SDK2: variants seen among roughly 807,000 people sequenced by gnomAD.
The protein encoded by SDK2 is protein sidekick-2.
In SDK2, 105 loss-of-function variants were observed where a neutral mutation model predicts 253.9. That is an observed-to-expected ratio of 0.41 (90% confidence interval 0.35 to 0.49). The LOEUF is 0.49. Ranked by LOEUF, SDK2 falls within the 20% of genes least tolerant of loss-of-function variation. SDK2 has a pLI of 0.06. For synonymous variants in SDK2, 1,249 were observed against 1,234.9 expected (o/e 1.01, Z -0.24); for missense variants, 2,608 against 3,003.0 (o/e 0.87, Z 3.07).
At chr17:73,596,082 C>T (rs568023341) in intron 1 of SDK2, among the ~76,000 whole-genome samples, 2 of 152,318 alleles carry the variant, frequency 1.3e-5, no homozygotes, top group South Asian at 2.1e-4. Context: ...TGCCCCAACA[C>T]GTTTGGGCTG....
At chr17:73,538,175 C>T (rs1425083230) in intron 1 of SDK2, among the ~76,000 whole-genome samples, 2 of 152,214 alleles carry the variant, frequency 1.3e-5, no homozygotes, top group African/African-American at 4.8e-5. Flanking sequence ...AGAAGCCAGA[C>T]AGACTGACCT....
chr17:73,533,487 C>A (rs2064187008), intron 1 of SDK2, among the ~76,000 whole-genome samples: 1 of 152,238 alleles, frequency 6.6e-6, no homozygotes, highest in Non-Finnish European at 1.5e-5. Context: ...CGTCCCTGGA[C>A]ACAGGCCCTG....
chr17:73,394,849 T>C (rs1471047154), intron 25 of SDK2, among the ~76,000 whole-genome samples: 1 of 152,186 alleles, frequency 6.6e-6, no homozygotes, highest in Non-Finnish European at 1.5e-5. Context: ...ACCACTGGGT[T>C]TCAGGGTTAA....
At chr17:73,508,651 C>T (rs763176544) in intron 1 of SDK2, among the ~76,000 whole-genome samples, 2 of 152,182 alleles carry the variant, frequency 1.3e-5, no homozygotes, top group Admixed American at 6.5e-5. Flanking sequence ...CATGACTAGA[C>T]AGGATTACAA....
At chr17:73,476,375 C>T (rs539602173) in intron 2 of SDK2, among the ~76,000 whole-genome samples, 6 of 152,258 alleles carry the variant, frequency 3.9e-5, no homozygotes, top group East Asian at 3.9e-4. Context: ...GAGAGATACC[C>T]GGGATGGGGA....
intron 40 of SDK2, among the ~76,000 whole-genome samples, chr17:73,356,174 T>C (rs2062590701): frequency 6.6e-6 from 1 of 152,152 alleles, no homozygotes; most frequent in South Asian, 2.1e-4. Context: ...GCACCGAACT[T>C]CCCTGCCCAA....
At position 73,395,437 on chromosome 17, in the gene SDK2, C is replaced by A. The variant is rs1470779220; in HGVS notation, c.3355-45G>T. On this transcript the variant is annotated intron_variant, in intron 24 of 44. Transcript: ENST00000392650. The surrounding 1 kb of genome is among the most constrained non-coding windows in gnomAD (Gnocchi z 4.3). Reference sequence around the variant, plus strand: ...GCAAAGCTGCTATGAGCCAGGCCCCCCACTGTGCAGGGAGGAACTGCCCTG... The same window carrying A: ...GCAAAGCTGCTATGAGCCAGGCCCCACACTGTGCAGGGAGGAACTGCCCTG... 1.3e-6 allele frequency: 2 copies of A among 1,539,504 alleles called. No homozygotes were observed. The highest frequency in any genetic ancestry group is 2.3e-5 in the South Asian group (2 of 88,776).
chr17:73,564,849 A>C (rs2045289710), intron 1 of SDK2, among the ~76,000 whole-genome samples: 1 of 151,856 alleles, frequency 6.6e-6, no homozygotes, highest in Non-Finnish European at 1.5e-5. Flanking sequence ...AACAAAAACA[A>C]ACCCAAAACA....
chr17:73,602,344 G>A (rs966300531), intron 1 of SDK2, among the ~76,000 whole-genome samples: 12 of 152,236 alleles, frequency 7.9e-5, no homozygotes, highest in Middle Eastern at 3.4e-3. Flanking sequence ...GAGCAAGGAC[G>A]GGGAGCCTCT....
At chr17:73,377,910 C>T (rs1203459272) in intron 36 of SDK2, among the ~76,000 whole-genome samples, 2 of 152,090 alleles carry the variant, frequency 1.3e-5, no homozygotes, top group Non-Finnish European at 2.9e-5. Context: ...CCGCACCCGG[C>T]CTGCCTGCTG....
At chr17:73,587,539 C>T (rs1338125274) in intron 1 of SDK2, among the ~76,000 whole-genome samples, 1 of 152,220 alleles carries the variant, frequency 6.6e-6, no homozygotes, top group Non-Finnish European at 1.5e-5. Flanking sequence ...ATCTGTGTTA[C>T]TGGGGCGTGA....
rs1206035669 is a variant in SDK2 at position 73,465,501 on chromosome 17, C to T, written c.331+6611G>A. Among the ~76,000 whole-genome samples the T allele has an allele frequency of 6.6e-6, 1 of 152,040 alleles. No homozygotes were observed. The highest frequency in any genetic ancestry group is 6.5e-5 in the Admixed American group (1 of 15,270). ...GGTCCTCTGCCACCTCCGGAAGGCT[C>T]TCCCAACCCTCTTAGCCATTCATCC... is the stretch of plus-strand genomic sequence containing the variant. On this transcript the variant is annotated intron_variant, in intron 3 of 44. Transcript: ENST00000392650. This position sits in a 1 kb window ranked among gnomAD's most constrained non-coding sequence, Gnocchi z 4.2.
At chr17:73,611,195 G>T (rs891287127) in intron 1 of SDK2, among the ~76,000 whole-genome samples, 8 of 152,170 alleles carry the variant, frequency 5.3e-5, no homozygotes, top group Non-Finnish European at 1.5e-5. Flanking sequence ...GGGGGATTTA[G>T]AATCTCACTT....
In SDK2 at chr17:73,419,276, G is replaced by C; in HGVS notation, c.2076C>G (p.Ala692=). Reference sequence around the variant, plus strand: ...CGCTGGCGATGACGTTCTGTGGAGGGGCCGTGGGGGGCTCCTCGGGGAGGG... The same window carrying C: ...CGCTGGCGATGACGTTCTGTGGAGGCGCCGTGGGGGGCTCCTCGGGGAGGG... The part of the protein sequence containing the change: ...RVSLPEEPPT[A]PPQNVIASGR... Residue 692 remains alanine (A), a synonymous_variant, in exon 16 of 45, where the codon GCC becomes GCG. Transcript: ENST00000392650. The C allele has an allele frequency of 3.7e-6, 6 of 1,612,954 alleles. No homozygotes were observed. Among genetic ancestry groups the C allele is most frequent in the Non-Finnish European group, 5.1e-6 (6 of 1,179,706 alleles).
intron 3 of SDK2, among the ~76,000 whole-genome samples, chr17:73,457,541 G>A (rs2063537498): frequency 6.6e-6 from 1 of 151,362 alleles, no homozygotes; most frequent in Admixed American, 6.6e-5. Flanking sequence ...AGTAGAGATG[G>A]GGTTTCGCCA....
Position 73,361,659 on chromosome 17 carries a change from C to T in SDK2, c.5467+25G>A, listed in dbSNP as rs1251233105. 22 of 1,599,300 alleles carry T rather than the reference C, an allele frequency of 1.4e-5. No individual in the cohort carries two copies. The highest frequency in any genetic ancestry group is 2.7e-5 in the African/African-American group (2 of 74,706). On this transcript the variant is annotated intron_variant, in intron 39 of 44. Transcript: ENST00000392650. The surrounding 1 kb of genome is among the most constrained non-coding windows in gnomAD (Gnocchi z 4.1). Reference sequence around the variant, plus strand: ...GGACGCTGAACCGCCGTGTGGAAGACATGCCTGGTCCGTTGCTCTCCTACC... The same window carrying T: ...GGACGCTGAACCGCCGTGTGGAAGATATGCCTGGTCCGTTGCTCTCCTACC...
intron 36 of SDK2, among the ~76,000 whole-genome samples, chr17:73,373,926 C>T (rs4969115): frequency 0.032 from 4,266 of 135,192 alleles, 379 homozygotes; most frequent in East Asian, 0.12. Context: ...CATGAGCCAC[C>T]GTGCCCAGCC....
At position 73,395,099 on chromosome 17, in the gene SDK2, C is replaced by G; in HGVS notation, c.3592+56G>C. 1 of 1,392,344 alleles carries G rather than the reference C, an allele frequency of 7.2e-7. No homozygotes were observed. The highest frequency in any genetic ancestry group is 9.9e-7 in the Non-Finnish European group (1 of 1,015,218). The allele number at this position is 1,392,344 out of a possible 1,614,324, so 86.2% of individuals were successfully genotyped here. On this transcript the variant is annotated intron_variant, in intron 25 of 44. Coordinates refer to ENST00000392650, the MANE Select transcript of SDK2 (RefSeq NM_001144952.2). This position sits in a 1 kb window ranked among gnomAD's most constrained non-coding sequence, Gnocchi z 4.3. Reference sequence around the variant, plus strand: ...GCACGCGCTTGGATGACCCTGAGGGCATAGAGACCAAGGAGGGGACAGGCA... The same window carrying G: ...GCACGCGCTTGGATGACCCTGAGGGGATAGAGACCAAGGAGGGGACAGGCA...
At chr17:73,626,543 C>G (rs1209670155) in intron 1 of SDK2, among the ~76,000 whole-genome samples, 1 of 152,238 alleles carries the variant, frequency 6.6e-6, no homozygotes, top group East Asian at 1.9e-4. Flanking sequence ...CCAGCTCAGA[C>G]AAGAGGCCTC....
Sources: allele counts gnomAD v4.1 joint callset (sites outside exome capture counted in the v4.1 genomes callset), GRCh38; gene constraint gnomAD v4.1.1; non-coding constraint Gnocchi (gnomAD v3.1); transcripts MANE v1.5; gene names NCBI Gene and HGNC (gene_info 2026-07-23, HGNC 2026-07-21).